Variants in APBA1 observed in about 807,000 individuals in gnomAD.
APBA1 encodes amyloid beta precursor protein binding family A member 1.
In APBA1, 55 loss-of-function variants were observed where a neutral mutation model predicts 86.6. That is an observed-to-expected ratio of 0.64 (90% CI 0.51 to 0.80). The LOEUF (loss-of-function observed/expected upper bound fraction) is 0.80. Among genes scored for constraint, APBA1 ranks in the 30% least tolerant of loss-of-function variants. APBA1 has a pLI of 0.00. For missense variants in APBA1, 1,090 were observed against 1,183.0 expected (o/e 0.92, Z 1.15); for synonymous variants, 511 against 493.9 (o/e 1.03, Z -0.46).
chr9:69,618,079 GA>G, intron 1 of APBA1, among the ~76,000 whole-genome samples: 1 of 152,206 alleles, frequency 6.6e-6, no homozygotes, highest in Admixed American at 6.5e-5. Flanking sequence ...TACCATGACT[GA>G]ATAGTGTTGT....
intron 1 of APBA1, among the ~76,000 whole-genome samples, chr9:69,578,020 A>G (rs1350577870): frequency 6.6e-6 from 1 of 152,174 alleles, no homozygotes; most frequent in Non-Finnish European, 1.5e-5. Flanking sequence ...ACCTAAAATG[A>G]AGGACCCTAG....
In APBA1 at chr9:69,428,389, T is replaced by C. The variant is rs1358553165; in HGVS notation, c.*2938A>G. The C allele has an allele frequency of 6.6e-6, 1 of 152,334 alleles. No individual in the cohort carries two copies. The highest frequency in any genetic ancestry group is 1.5e-5 in the Non-Finnish European group (1 of 68,160). 9.4% of individuals were successfully genotyped at this position (152,334 alleles called of 1,614,324 possible). A position where few individuals can be genotyped will look rare whatever the true frequency, so the allele number is the denominator to read the frequency against. ...CGCTGGAGAAGTGGGCTCCAGGCAT[T>C]GGTCTTTGGGGGTTTCTTCCTCTCA... On this transcript the variant is annotated 3_prime_UTR_variant, in exon 13 of 13. Transcript: ENST00000265381.
chr9:69,463,611 G>C (rs535200205), intron 5 of APBA1: 31 of 152,270 alleles, frequency 2.0e-4, no homozygotes, highest in African/African-American at 7.0e-4. Context: ...CAAGGTCAGC[G>C]TCTGTTCAGA....
At chr9:69,582,284 G>A (rs897095935) in intron 1 of APBA1, among the ~76,000 whole-genome samples, 4 of 152,090 alleles carry the variant, frequency 2.6e-5, no homozygotes, top group South Asian at 2.1e-4. Context: ...TGGGAGGCTC[G>A]CTCATAAGTA....
At chr9:69,578,505 A>G (rs1222937630) in intron 1 of APBA1, among the ~76,000 whole-genome samples, 1 of 152,190 alleles carries the variant, frequency 6.6e-6, no homozygotes, top group Non-Finnish European at 1.5e-5. Context: ...TTCTGGATAA[A>G]AGGGGCTTTG....
At chr9:69,597,678 T>C (rs572886789) in intron 1 of APBA1, among the ~76,000 whole-genome samples, 2 of 152,356 alleles carry the variant, frequency 1.3e-5, no homozygotes, top group East Asian at 1.9e-4. Flanking sequence ...CCATCTTGAA[T>C]TGATTTTTGT....
At chr9:69,433,324 CACT>C (rs1275732967) in intron 11 of APBA1, among the ~76,000 whole-genome samples, 2 of 152,236 alleles carry the variant, frequency 1.3e-5, no homozygotes, top group African/African-American at 4.8e-5. Context: ...ACCTCACACA[CACT>C]ACAACATAAC....
chr9:69,619,057 AG>A (rs1315220367), intron 1 of APBA1, among the ~76,000 whole-genome samples: 1 of 152,152 alleles, frequency 6.6e-6, no homozygotes, highest in African/African-American at 2.4e-5. Context: ...TTTTCATTTA[AG>A]GGGGTTCTAA....
chr9:69,559,507 T>C (rs1306377148), intron 1 of APBA1, among the ~76,000 whole-genome samples: 1 of 152,220 alleles, frequency 6.6e-6, no homozygotes, highest in Non-Finnish European at 1.5e-5. Flanking sequence ...GTTCTTTCAC[T>C]GAACATGTTT....
At chr9:69,500,954 G>T (rs1192109750) in intron 2 of APBA1, among the ~76,000 whole-genome samples, 1 of 152,032 alleles carries the variant, frequency 6.6e-6, no homozygotes, top group Non-Finnish European at 1.5e-5. Context: ...ATTCTCCCAG[G>T]TCACAAAAAG....
At chr9:69,567,063 T>C (rs895615022) in intron 1 of APBA1, among the ~76,000 whole-genome samples, 10 of 152,204 alleles carry the variant, frequency 6.6e-5, no homozygotes, top group African/African-American at 2.4e-4. Context: ...CAGTACTGTT[T>C]GAATTTTTTT....
chr9:69,635,519 A>G lies in APBA1; in HGVS notation c.-70+36634T>C, dbSNP rs547975185. ...TTATCAATAATAACATTTAATGTAA[A>G]TGGACACAATTCAATAAAAAAACTT... On this transcript the variant is annotated intron_variant, in intron 1 of 12. Coordinates refer to ENST00000265381, the MANE Select transcript of APBA1 (RefSeq NM_001163.4). Among the ~76,000 whole-genome samples, 60 of 152,294 alleles carry G rather than the reference A, an allele frequency of 3.9e-4. 1 individual carries two copies. Among genetic ancestry groups the G allele is most frequent in the Admixed American group, 1.3e-3 (20 of 15,296 alleles).
chr9:69,580,846 A>G (rs1821900677), intron 1 of APBA1, among the ~76,000 whole-genome samples: 1 of 152,168 alleles, frequency 6.6e-6, no homozygotes, highest in Non-Finnish European at 1.5e-5. Flanking sequence ...GCAGCTTGAC[A>G]GGGTTGTTCT....
rs368332041 is a variant in APBA1 at position 69,541,259 on chromosome 9, C to G, written c.-69-23980G>C. Reference sequence around the variant, plus strand: ...TTTTAATTGTTTTAGGGACCCCCCCCCCCATTCTGTTTTCTATATCAGCCG... The same window carrying G: ...TTTTAATTGTTTTAGGGACCCCCCCGCCCATTCTGTTTTCTATATCAGCCG... On this transcript the variant is annotated intron_variant, in intron 1 of 12. Transcript: ENST00000265381. Among the ~76,000 whole-genome samples the G allele has an allele frequency of 5.9e-4, 89 of 149,654 alleles. 1 individual carries two copies. Among genetic ancestry groups the G allele is most frequent in the African/African-American group, 1.7e-3 (69 of 40,948 alleles).
At chr9:69,589,254 T>C (rs1215340410) in intron 1 of APBA1, among the ~76,000 whole-genome samples, 1 of 152,106 alleles carries the variant, frequency 6.6e-6, no homozygotes, top group Non-Finnish European at 1.5e-5. Context: ...CTGCTCCCGG[T>C]GTGTCTCATT....
chr9:69,466,470 A>G (rs937592801), intron 5 of APBA1, among the ~76,000 whole-genome samples: 6 of 152,166 alleles, frequency 3.9e-5, no homozygotes, highest in Non-Finnish European at 8.8e-5. Flanking sequence ...TCTACCTCTC[A>G]GGCAGAAGGC....
At chr9:69,604,016 C>T (rs78223883) in intron 1 of APBA1, among the ~76,000 whole-genome samples, 13,857 of 152,186 alleles carry the variant, frequency 0.091, 681 homozygotes, top group Non-Finnish European at 0.11. Context: ...TAATATTCCC[C>T]GGGTAAGCTC....
chr9:69,501,629 AACACACACACACACACACACACACAC>A (rs57033911), intron 2 of APBA1, among the ~76,000 whole-genome samples: 12 of 142,084 alleles, frequency 8.4e-5, no homozygotes, highest in Admixed American at 1.4e-4. Flanking sequence ...GTCTCTACAA[AACACACACACACACACACACACACAC>A]ACACACACAC....
chr9:69,668,731 C>A (rs1030144), intron 1 of APBA1, among the ~76,000 whole-genome samples: 1 of 152,090 alleles, frequency 6.6e-6, no homozygotes, highest in Non-Finnish European at 1.5e-5. Flanking sequence ...GCATTCCTAG[C>A]GCTTCAGCCA....
Sources: gnomAD v4.1 joint callset for allele counts (sites outside exome capture counted in the v4.1 genomes callset) on GRCh38, gnomAD v4.1.1 for gene constraint, MANE v1.5 for transcripts, NCBI Gene and HGNC (gene_info 2026-07-23, HGNC 2026-07-21) for gene names.